STK38L: variants seen among roughly 807,000 people sequenced by gnomAD.
STK38L encodes serine/threonine-protein kinase 38-like.
Under a neutral mutation model 59.7 loss-of-function variants are expected in STK38L, and 28 were observed. That is an observed-to-expected ratio of 0.47 (90% CI 0.35 to 0.64). STK38L has a LOEUF of 0.64. Among genes scored for constraint, STK38L ranks in the 30% least tolerant of loss-of-function variants. STK38L has a pLI of 0.01. For missense variants in STK38L, 314 were observed against 555.8 expected, an observed-to-expected ratio of 0.56 and a Z score of 4.37; for synonymous variants, 162 against 176.8, an observed-to-expected ratio of 0.92 and a Z score of 0.66.
chr12:27,286,547 G>T (rs1263289644), intron 1 of STK38L, among the ~76,000 whole-genome samples: 1 of 151,832 alleles, frequency 6.6e-6, no homozygotes, highest in African/African-American at 2.4e-5. Context: ...CAGTGCTGTG[G>T]TATTTTATAC....
intron 1 of STK38L, among the ~76,000 whole-genome samples, chr12:27,280,684 G>A (rs569599182): frequency 6.6e-6 from 1 of 152,208 alleles, no homozygotes; most frequent in African/African-American, 2.4e-5. Context: ...GCCATTCAAC[G>A]TTGGTTAGTC....
intron 1 of STK38L, among the ~76,000 whole-genome samples, chr12:27,259,253 G>A (rs184587997): frequency 8.7e-4 from 133 of 152,216 alleles, no homozygotes; most frequent in Non-Finnish European, 1.7e-3. Context: ...TCTGAAAGAT[G>A]GAGTACTTTG....
Position 27,312,534 on chromosome 12 carries a change from A to T in STK38L, c.394-15A>T. 1.2e-6 allele frequency: 2 copies of T among 1,609,096 alleles called. No homozygotes were observed. Among genetic ancestry groups the T allele is most frequent in the Non-Finnish European group, 1.7e-6 (2 of 1,178,774 alleles). ...TGTATTTACAATTATTTTTTTCAAA[A>T]ATATATTCATCTAGGTGGCCCATAT... is the stretch of plus-strand genomic sequence containing the variant. On this transcript the variant is annotated splice_polypyrimidine_tract_variant and intron_variant, in intron 5 of 13. Coordinates refer to ENST00000389032, the MANE Select transcript of STK38L (RefSeq NM_015000.4).
In STK38L at chr12:27,322,788, A is replaced by G. The variant is rs16931877; in HGVS notation, c.*333A>G. ...GTGTGCTGTGGCTTTGAACTGTAACACCTCTAATCAATTCAGGAGAAACAC... is the reference window on the plus strand; with the variant it reads ...GTGTGCTGTGGCTTTGAACTGTAACGCCTCTAATCAATTCAGGAGAAACAC... On this transcript the variant is annotated 3_prime_UTR_variant, in exon 14 of 14. Transcript: ENST00000389032. The G allele has an allele frequency of 0.1, 18,553 of 184,292 alleles. 987 individuals carry two copies. The highest frequency in any genetic ancestry group is 0.12 in the African/African-American group (5,152 of 42,458). The allele number at this position is 184,292 out of a possible 1,614,324, so 11.4% of individuals were successfully genotyped here.
chr12:27,250,094 A>G (rs955692371), intron 1 of STK38L, among the ~76,000 whole-genome samples: 3 of 152,188 alleles, frequency 2.0e-5, no homozygotes, highest in Admixed American at 6.5e-5. Context: ...TACCTTTGCT[A>G]TGGAGTCTAG....
At chr12:27,316,929 G>A (rs915211307) in intron 9 of STK38L, among the ~76,000 whole-genome samples, 3 of 152,176 alleles carry the variant, frequency 2.0e-5, no homozygotes, top group Non-Finnish European at 2.9e-5. Context: ...TTAGTAGTGA[G>A]TGGGGAAGCC....
At chr12:27,279,652 A>G (rs1943610245) in intron 1 of STK38L, among the ~76,000 whole-genome samples, 3 of 149,864 alleles carry the variant, frequency 2.0e-5, no homozygotes, top group Admixed American at 2.0e-4. Context: ...ACTTGAACCC[A>G]GGAGGCAGAA....
At chr12:27,262,470 A>C (rs375699642) in intron 1 of STK38L, among the ~76,000 whole-genome samples, 1 of 152,198 alleles carries the variant, frequency 6.6e-6, no homozygotes, top group African/African-American at 2.4e-5. Flanking sequence ...ATCGTAAAAC[A>C]TTACATTTTC....
intron 11 of STK38L, 104 bp downstream of exon 11, chr12:27,318,123 T>C (rs1349745833): frequency 4.4e-6 from 6 of 1,358,206 alleles, no homozygotes; most frequent in South Asian, 3.9e-5. Context: ...ACCACTGATG[T>C]ATACAGTCAA....
At chr12:27,293,413 T>A (rs1943939839) in intron 1 of STK38L, among the ~76,000 whole-genome samples, 1 of 152,270 alleles carries the variant, frequency 6.6e-6, no homozygotes. Context: ...TTAAATTGAA[T>A]AACAGTTCTC....
At chr12:27,287,322 C>T (rs1040486307) in intron 1 of STK38L, among the ~76,000 whole-genome samples, 3 of 152,028 alleles carry the variant, frequency 2.0e-5, no homozygotes, top group Non-Finnish European at 2.9e-5. Flanking sequence ...GTTGCCCAGG[C>T]TGGTCTCAAA....
chr12:27,263,880 G>A (rs547845406), intron 1 of STK38L, among the ~76,000 whole-genome samples: 120 of 152,306 alleles, frequency 7.9e-4, no homozygotes, highest in African/African-American at 2.7e-3. Flanking sequence ...GGCAAGACAT[G>A]TTCTGAAAAC....
chr12:27,308,686 G>C lies in STK38L; in HGVS notation c.309+225G>C, dbSNP rs1171429448. 6.6e-6 allele frequency among the ~76,000 whole-genome samples: 1 copy of C among 151,590 alleles called. No individual in the cohort carries two copies. Among genetic ancestry groups the C allele is most frequent in the Non-Finnish European group, 1.5e-5 (1 of 67,868 alleles). ...ATACAAAAATTAGCTGGGCGTGGTG[G>C]TGGGCACCTGTAATCCCAGCTACTT... On this transcript the variant is annotated intron_variant, in intron 4 of 13. Coordinates refer to ENST00000389032, the MANE Select transcript of STK38L (RefSeq NM_015000.4). The surrounding 1 kb of genome is among the most constrained non-coding windows in gnomAD (Gnocchi z 4.5).
At chr12:27,319,785 G>T (rs1591948350) in intron 12 of STK38L, among the ~76,000 whole-genome samples, 1 of 152,120 alleles carries the variant, frequency 6.6e-6, no homozygotes, top group Non-Finnish European at 1.5e-5. Context: ...TTATAATAAG[G>T]TACAGTCCCT....
At chr12:27,310,773 G>GC (rs1944435854) in intron 5 of STK38L, among the ~76,000 whole-genome samples, 1 of 152,116 alleles carries the variant, frequency 6.6e-6, no homozygotes, top group Non-Finnish European at 1.5e-5. Context: ...GGAAGTTAAG[G>GC]AGCCTCTGGA....
chr12:27,303,316 T>C (rs115689921), intron 3 of STK38L, among the ~76,000 whole-genome samples: 1,863 of 152,062 alleles, frequency 0.012, 43 homozygotes, highest in African/African-American at 0.042. Context: ...GAGTTTGAGG[T>C]TGCCATGAGC....
rs375135806 is a variant in STK38L, at chr12:27,269,101, A to T, written c.-12+24769A>T. On this transcript the variant is annotated intron_variant, in intron 1 of 13. Coordinates refer to ENST00000389032, the MANE Select transcript of STK38L (RefSeq NM_015000.4). Reference sequence around the variant, plus strand: ...TCACTCTGATGGTAGTTTCTTTTGCAGTGCAGAAGCTCTTTAGTTGAATTA... The same window carrying T: ...TCACTCTGATGGTAGTTTCTTTTGCTGTGCAGAAGCTCTTTAGTTGAATTA... Among the ~76,000 whole-genome samples, 25 of 152,240 alleles carry T rather than the reference A, an allele frequency of 1.6e-4. No individual in the cohort carries two copies. In the East Asian group the frequency reaches 2.7e-3, roughly 16 times the overall value.
intron 12 of STK38L, among the ~76,000 whole-genome samples, chr12:27,320,021 G>A (rs1425028524): frequency 6.6e-6 from 1 of 152,152 alleles, no homozygotes; most frequent in Non-Finnish European, 1.5e-5. Context: ...TGCTTTCTTA[G>A]GACTGCAGGA....
chr12:27,293,830 G>T (rs1045544252), intron 1 of STK38L: 2 of 152,200 alleles, frequency 1.3e-5, no homozygotes, highest in African/African-American at 4.8e-5. Context: ...TTCACTTTTT[G>T]AAAGGAATAT....
Sources: allele counts gnomAD v4.1 joint callset (sites outside exome capture counted in the v4.1 genomes callset), GRCh38; gene constraint gnomAD v4.1.1; non-coding constraint Gnocchi (gnomAD v3.1); transcripts MANE v1.5; gene names NCBI Gene and HGNC (gene_info 2026-07-23, HGNC 2026-07-21).